Variants in SLC44A1 observed in about 807,000 individuals in gnomAD.
The protein encoded by SLC44A1 is solute carrier family 44 member 1.
Under a neutral mutation model 79.3 loss-of-function variants are expected in SLC44A1, and 26 were observed. The observed-to-expected ratio is 0.33, with a 90% CI of 0.24 to 0.46. The LOEUF (loss-of-function observed/expected upper bound fraction) is 0.46, where lower values mean the gene tolerates loss of function less well. Among genes scored for constraint, SLC44A1 ranks in the 20% least tolerant of loss-of-function variants. The pLI is 1.00. For synonymous variants in SLC44A1, 263 were observed against 286.2 expected (o/e 0.92, Z 0.82); for missense variants, 688 against 798.1 (o/e 0.86, Z 1.66).
intron 8 of SLC44A1, among the ~76,000 whole-genome samples, chr9:105,361,918 G>C (rs183316243): frequency 2.8e-4 from 43 of 152,252 alleles, no homozygotes; most frequent in African/African-American, 8.7e-4. Context: ...GAGCATGCTG[G>C]TGTGCACCTG....
chr9:105,250,422 A>G lies in SLC44A1; in HGVS notation c.36+5518A>G, dbSNP rs962058375. 1.2e-4 allele frequency among the ~76,000 whole-genome samples: 19 copies of G among 152,346 alleles called. 1 individual carries two copies. Among genetic ancestry groups the G allele is most frequent in the Admixed American group, 9.1e-4 (14 of 15,304 alleles). ...TGTTATTGGCCTGGGAAAATTATTC[A>G]TAAAAATATATTCTACTACCAGTAA... On this transcript the variant is annotated intron_variant, in intron 1 of 15. Transcript: ENST00000374720.
At chr9:105,427,043 C>G (rs750233862) in intron 15 of SLC44A1, among the ~76,000 whole-genome samples, 1 of 151,844 alleles carries the variant, frequency 6.6e-6, no homozygotes, top group Non-Finnish European at 1.5e-5. Flanking sequence ...TCAAGCAGTT[C>G]TCCCATCTCA....
At chr9:105,406,795 G>A (rs1185415042) in intron 15 of SLC44A1, among the ~76,000 whole-genome samples, 1 of 152,010 alleles carries the variant, frequency 6.6e-6, no homozygotes, top group East Asian at 1.9e-4. Context: ...CCAGATATTT[G>A]ACTTACTAAA....
At chr9:105,359,890 G>A (rs1827729711) in intron 7 of SLC44A1, among the ~76,000 whole-genome samples, 1 of 152,166 alleles carries the variant, frequency 6.6e-6, no homozygotes, top group South Asian at 2.1e-4. Context: ...AATAGGTAAT[G>A]GAATTTGCCT....
chr9:105,376,152 A>G (rs541326364), intron 13 of SLC44A1, among the ~76,000 whole-genome samples: 2 of 152,146 alleles, frequency 1.3e-5, no homozygotes, highest in Non-Finnish European at 2.9e-5. Context: ...TATGTTTGGC[A>G]TGGAGAAGTA....
intron 14 of SLC44A1, among the ~76,000 whole-genome samples, chr9:105,384,112 A>C (rs774690055): frequency 1.2e-4 from 18 of 152,326 alleles, no homozygotes; most frequent in Admixed American, 1.3e-4. Flanking sequence ...ATACATTGAA[A>C]TAACAAGTCA....
At chr9:105,249,611 G>A (rs1379581758) in intron 1 of SLC44A1, among the ~76,000 whole-genome samples, 1 of 150,350 alleles carries the variant, frequency 6.7e-6, no homozygotes, top group Non-Finnish European at 1.5e-5. Flanking sequence ...TGCAACCTCT[G>A]CCTCCCGGGT....
At position 105,348,437 on chromosome 9, in the gene SLC44A1, A is replaced by T; in HGVS notation, c.486A>T (p.Leu162=). The part of the protein sequence containing the change: ...SPKSSVLCPK[L]PVPASAPIPF... ...AATCTTCTGTTCTCTGCCCCAAACT[A>T]CCAGTTCCAGCGAGGTAAATTTTAT... The change falls in exon 5 of 16, where the codon CTA becomes CTT. Residue 162 remains leucine (L), a synonymous_variant. Coordinates refer to ENST00000374720, the MANE Select transcript of SLC44A1 (RefSeq NM_080546.5). 1 of 1,604,960 alleles carries T rather than the reference A, an allele frequency of 6.2e-7. No homozygotes were observed. The highest frequency in any genetic ancestry group is 8.5e-7 in the Non-Finnish European group (1 of 1,172,000).
rs577358107 is a variant in SLC44A1 at position 105,299,787 on chromosome 9, G to A, written c.126+478G>A. On this transcript the variant is annotated intron_variant, in intron 2 of 15. Coordinates refer to ENST00000374720, the MANE Select transcript of SLC44A1 (RefSeq NM_080546.5). ...TCTGCTGTAATGAGTGGCATCTTTC[G>A]ATTGGAGATGAAGGGACCTGGTGGT... 1.2e-5 allele frequency: 12 copies of A among 985,606 alleles called. No individual in the cohort carries two copies. The South Asian group carries it at 4.2e-4, about 35-fold the overall frequency. 61.1% of individuals were successfully genotyped at this position (985,606 alleles called of 1,614,324 possible).
At chr9:105,252,605 G>A (rs760413898) in intron 1 of SLC44A1, among the ~76,000 whole-genome samples, 14 of 152,170 alleles carry the variant, frequency 9.2e-5, no homozygotes, top group Non-Finnish European at 1.5e-4. Flanking sequence ...GGGCTAGTGC[G>A]CTCAAGTAAT....
Position 105,392,362 on chromosome 9 carries a change from G to C in SLC44A1, c.*3306G>C. 1.1e-6 allele frequency: 1 copy of C among 944,492 alleles called. No homozygotes were observed. Among genetic ancestry groups the C allele is most frequent in the South Asian group, 5.0e-5 (1 of 20,068 alleles). The allele number at this position is 944,492 out of a possible 1,614,324, so 58.5% of individuals were successfully genotyped here. A position where few individuals can be genotyped will look rare whatever the true frequency, so the allele number is the denominator to read the frequency against. ...CTGAGTTTATTTTAAAGTTATGCTA[G>C]AAATGTTTTTCTTTTGTAGAGATGC... On this transcript the variant is annotated 3_prime_UTR_variant, in exon 16 of 16. Coordinates refer to ENST00000374720, the MANE Select transcript of SLC44A1 (RefSeq NM_080546.5).
At chr9:105,347,570 G>A (rs1467733549) in intron 4 of SLC44A1, among the ~76,000 whole-genome samples, 3 of 151,806 alleles carry the variant, frequency 2.0e-5, no homozygotes, top group African/African-American at 7.3e-5. Context: ...TAGAGTTATA[G>A]TAAATTATAT....
intron 15 of SLC44A1, among the ~76,000 whole-genome samples, chr9:105,408,354 T>C (rs978706671): frequency 2.0e-5 from 3 of 152,174 alleles, no homozygotes; most frequent in Non-Finnish European, 2.9e-5. Context: ...GGAAACTACA[T>C]AGGTAAACAT....
At chr9:105,305,661 T>G (rs74499554) in intron 2 of SLC44A1, among the ~76,000 whole-genome samples, 2,628 of 152,204 alleles carry the variant, frequency 0.017, 78 homozygotes, top group African/African-American at 0.06. Flanking sequence ...AGAACTCCTT[T>G]TTTCCCTACC....
chr9:105,363,112 C>T (rs1827831795), intron 9 of SLC44A1, 105 bp downstream of exon 9: 1 of 858,148 alleles, frequency 1.2e-6, no homozygotes, highest in Non-Finnish European at 1.8e-6. Context: ...GATGAAGGTC[C>T]AATAGCCATC....
intron 5 of SLC44A1, among the ~76,000 whole-genome samples, chr9:105,351,328 G>C (rs2131386094): frequency 1.3e-5 from 2 of 152,218 alleles, no homozygotes; most frequent in African/African-American, 4.8e-5. Context: ...GAGGCCAAGA[G>C]TTTGAGACCA....
Position 105,309,493 on chromosome 9 carries a change from T to C in SLC44A1, c.127-231T>C, listed in dbSNP as rs553789533. On this transcript the variant is annotated intron_variant, in intron 2 of 15. Coordinates refer to ENST00000374720, the MANE Select transcript of SLC44A1 (RefSeq NM_080546.5). ...ATTATAAAATTCAAAGTTGACCTTA[T>C]GATGTAAAGGTTGGGATTTGTTTTG... Among the ~76,000 whole-genome samples, 5 of 152,296 alleles carry C rather than the reference T, an allele frequency of 3.3e-5. No homozygotes were observed. In the East Asian group the frequency reaches 9.7e-4, roughly 29 times the overall value.
chr9:105,336,564 T>C (rs1238471809), intron 4 of SLC44A1, among the ~76,000 whole-genome samples: 4 of 152,140 alleles, frequency 2.6e-5, no homozygotes, highest in Admixed American at 2.6e-4. Context: ...ATTTTGTGTG[T>C]AGGAATCCTC....
At chr9:105,278,996 A>G (rs1055964482) in intron 1 of SLC44A1, among the ~76,000 whole-genome samples, 17 of 152,134 alleles carry the variant, frequency 1.1e-4, no homozygotes, top group Admixed American at 6.5e-5. Flanking sequence ...TGTCAAAGAA[A>G]CTGCAGCAGA....
Sources: allele counts gnomAD v4.1 joint callset (sites outside exome capture counted in the v4.1 genomes callset), GRCh38; gene constraint gnomAD v4.1.1; transcripts MANE v1.5; gene names NCBI Gene and HGNC (gene_info 2026-07-23, HGNC 2026-07-21).